The following CPNE8 variants were observed in gnomAD, a reference collection of about 807,000 sequenced individuals.
The protein encoded by CPNE8 is copine 8, also known as copine-8.
A neutral mutation model predicts 81.5 loss-of-function variants in CPNE8; 45 were observed. The ratio of observed to expected loss-of-function variants is 0.55; its 90% confidence interval spans 0.44 to 0.71. CPNE8 has a LOEUF of 0.71. Ranked by LOEUF, CPNE8 falls within the 30% of genes least tolerant of loss-of-function variation. The probability of loss-of-function intolerance (pLI) is 0.00; values close to 1 mark genes in which losing one functional copy is unlikely to be tolerated. For missense variants in CPNE8, 594 were observed against 672.1 expected, an observed-to-expected ratio of 0.88 and a Z score of 1.28; for synonymous variants, 252 against 226.3, an observed-to-expected ratio of 1.11 and a Z score of -1.02.
intron 6 of CPNE8, among the ~76,000 whole-genome samples, chr12:38,787,295 C>T (rs1284135592): frequency 6.6e-6 from 1 of 151,548 alleles, no homozygotes; most frequent in Non-Finnish European, 1.5e-5. Context: ...ATATCAACCA[C>T]AAGGGGAATT....
intron 1 of CPNE8, among the ~76,000 whole-genome samples, chr12:38,901,745 T>C (rs1377966018): frequency 6.6e-6 from 1 of 152,080 alleles, no homozygotes; most frequent in Non-Finnish European, 1.5e-5. Context: ...TTAACCACTG[T>C]CCCTTCTCTA....
intron 13 of CPNE8, among the ~76,000 whole-genome samples, chr12:38,712,145 A>G (rs1254506157): frequency 6.6e-6 from 1 of 151,792 alleles, no homozygotes; most frequent in African/African-American, 2.4e-5. Context: ...ATAGTGTTGC[A>G]TGTTCTGGCC....
chr12:38,814,699 C>T (rs2136994223), intron 6 of CPNE8, among the ~76,000 whole-genome samples: 1 of 152,142 alleles, frequency 6.6e-6, no homozygotes, highest in East Asian at 1.9e-4. Flanking sequence ...TACAGGCCTA[C>T]ATCTTATGCT....
At chr12:38,808,362 C>A (rs1942864970) in intron 6 of CPNE8, among the ~76,000 whole-genome samples, 1 of 151,820 alleles carries the variant, frequency 6.6e-6, no homozygotes, top group Non-Finnish European at 1.5e-5. Flanking sequence ...CCCAAATGTC[C>A]AACAACGATA....
At chr12:38,663,657 AT>A (rs1353037552) in intron 19 of CPNE8, among the ~76,000 whole-genome samples, 1 of 152,138 alleles carries the variant, frequency 6.6e-6, no homozygotes, top group Non-Finnish European at 1.5e-5. Context: ...AGTATGTCAA[AT>A]AAATAGCTGC....
rs889630107 is a variant in CPNE8, at chr12:38,724,904, A to G, written c.799-5T>C. ...TTTCTTTTTGGGATTCACCACCTTA[A>G]AAAGCAGATAAAACAATTAAAATGT... On this transcript the variant is annotated splice_polypyrimidine_tract_variant and splice_region_variant and intron_variant, in intron 11 of 19. Coordinates refer to ENST00000331366, the MANE Select transcript of CPNE8 (RefSeq NM_153634.3). The G allele has an allele frequency of 1.4e-5, 21 of 1,522,658 alleles. No individual in the cohort carries two copies. The highest frequency in any genetic ancestry group is 2.7e-5 in the African/African-American group (2 of 72,898). 94.3% of individuals were successfully genotyped at this position (1,522,658 alleles called of 1,614,324 possible). A position where few individuals can be genotyped will look rare whatever the true frequency, so the allele number is the denominator to read the frequency against.
At position 38,812,340 on chromosome 12, in the gene CPNE8, T is replaced by A. The variant is rs549931408; in HGVS notation, c.407+17039A>T. On this transcript the variant is annotated intron_variant, in intron 6 of 19. Coordinates refer to ENST00000331366, the MANE Select transcript of CPNE8 (RefSeq NM_153634.3). ...GACATACCTGAGACTGGGTAATTTA[T>A]AAAGGAAACAGGTTTAATTGACTCA... Among the ~76,000 whole-genome samples the A allele has an allele frequency of 1.1e-4, 17 of 152,294 alleles. 1 individual carries two copies. The highest frequency in any genetic ancestry group is 3.9e-4 in the African/African-American group (16 of 41,554).
At chr12:38,680,184 T>C (rs974411999) in intron 16 of CPNE8, among the ~76,000 whole-genome samples, 2 of 152,002 alleles carry the variant, frequency 1.3e-5, no homozygotes, top group African/African-American at 2.4e-5. Flanking sequence ...ATTATTTCTA[T>C]AAAAGTTCAT....
intron 10 of CPNE8, among the ~76,000 whole-genome samples, chr12:38,743,909 A>T (rs1010992911): frequency 6.6e-6 from 1 of 152,194 alleles, no homozygotes; most frequent in Non-Finnish European, 1.5e-5. Context: ...TTTTATTGGC[A>T]GTGACAATAC....
chr12:38,725,026 T>G, intron 11 of CPNE8, 127 bp from the exon 12 acceptor site: 1 of 845,846 alleles, frequency 1.2e-6, no homozygotes, highest in Non-Finnish European at 1.9e-6. Flanking sequence ...TTACAAATGC[T>G]TTCAGTATGA....
chr12:38,701,749 C>T (rs1939954342), intron 14 of CPNE8, among the ~76,000 whole-genome samples: 1 of 152,140 alleles, frequency 6.6e-6, no homozygotes, highest in Non-Finnish European at 1.5e-5. Context: ...CCGCCTCAGC[C>T]TCCCAAAGTG....
intron 2 of CPNE8, 141 bp downstream of exon 2, chr12:38,874,330 G>A: frequency 1.6e-6 from 1 of 626,488 alleles, no homozygotes. Context: ...TACTGCCCGG[G>A]GTTGATGAGT....
At chr12:38,829,483 A>C in intron 5 of CPNE8, 28 bp from the exon 6 acceptor site, 120 of 1,491,154 alleles carry the variant, frequency 8.0e-5, no homozygotes, top group Non-Finnish European at 1.0e-4. Context: ...ATTAAAGCTC[A>C]TAAGTTTCCA....
intron 18 of CPNE8, among the ~76,000 whole-genome samples, chr12:38,673,833 A>G (rs1939231715): frequency 1.3e-5 from 2 of 152,078 alleles, no homozygotes; most frequent in Admixed American, 6.6e-5. Context: ...GAGCAGCACT[A>G]TCCTGAGGAT....
chr12:38,712,714 A>C (rs528681255), intron 13 of CPNE8, among the ~76,000 whole-genome samples: 19 of 152,298 alleles, frequency 1.2e-4, no homozygotes, highest in African/African-American at 4.1e-4. Flanking sequence ...TAGCTCTTTA[A>C]AAATTTTTTT....
At chr12:38,745,659 C>G (rs1287170708) in intron 10 of CPNE8, among the ~76,000 whole-genome samples, 1 of 152,190 alleles carries the variant, frequency 6.6e-6, no homozygotes, top group Non-Finnish European at 1.5e-5. Flanking sequence ...CCTCCCACCT[C>G]AGCCTATCAA....
At chr12:38,740,530 T>C (rs1393161385) in intron 10 of CPNE8, among the ~76,000 whole-genome samples, 1 of 152,230 alleles carries the variant, frequency 6.6e-6, no homozygotes, top group Non-Finnish European at 1.5e-5. Flanking sequence ...GGCTGTGGGT[T>C]TGTCATAAAT....
At chr12:38,824,464 G>T (rs1236289575) in intron 6 of CPNE8, among the ~76,000 whole-genome samples, 1 of 151,756 alleles carries the variant, frequency 6.6e-6, no homozygotes, top group African/African-American at 2.4e-5. Flanking sequence ...AATTTAAAAA[G>T]ACTATCTCTG....
chr12:38,827,340 C>A (rs1943215722), intron 6 of CPNE8, among the ~76,000 whole-genome samples: 1 of 152,062 alleles, frequency 6.6e-6, no homozygotes, highest in South Asian at 2.1e-4. Context: ...GGTGAGGCTG[C>A]AGAGAAAAGG....
Sources: allele counts gnomAD v4.1 joint callset (sites outside exome capture counted in the v4.1 genomes callset), GRCh38; gene constraint gnomAD v4.1.1; transcripts MANE v1.5; gene names NCBI Gene and HGNC (gene_info 2026-07-23, HGNC 2026-07-21).